The following AKR1C8 variants were observed in gnomAD, a reference collection of about 807,000 sequenced individuals.
The protein encoded by AKR1C8 is aldo-keto reductase family 1 member C8, also known as aldo-keto reductase family 1 member C-like protein 1.
At chr10:5,147,236 G>T in the AKR1C8 span, among the ~76,000 whole-genome samples, 24 of 152,098 alleles carry the variant, frequency 1.6e-4, no homozygotes, top group Admixed American at 1.1e-3. Context: ...ACTACTGCAG[G>T]CAGAGCACCA....
At chr10:5,162,732 T>A in the AKR1C8 span, 1 of 374,878 alleles carries the variant, frequency 2.7e-6, no homozygotes, top group African/African-American at 2.1e-5. Flanking sequence ...TCTGTTTCTA[T>A]AATATGCCTT....
the AKR1C8 span, chr10:5,121,979 C>T: frequency 4.5e-6 from 1 of 222,736 alleles, no homozygotes; most frequent in African/African-American, 2.4e-5. Context: ...TCCTGTTTCA[C>T]CCCATGCCTG....
chr10:5,175,629 C>T, the AKR1C8 span, among the ~76,000 whole-genome samples: 910 of 152,284 alleles, frequency 6.0e-3, 5 homozygotes, highest in African/African-American at 0.021. Flanking sequence ...ACATCCTCTC[C>T]AGCACCTGTT....
the AKR1C8 span, among the ~76,000 whole-genome samples, chr10:5,156,873 C>T: frequency 2.6e-5 from 4 of 152,182 alleles, no homozygotes; most frequent in African/African-American, 9.6e-5. Flanking sequence ...AAATTTGTAG[C>T]TGTCATTTTA....
At chr10:5,168,828 G>C in the AKR1C8 span, among the ~76,000 whole-genome samples, 1 of 152,102 alleles carries the variant, frequency 6.6e-6, no homozygotes, top group African/African-American at 2.4e-5. Flanking sequence ...TGATCCCATA[G>C]AGGTGTGAAA....
At chr10:5,181,662 T>C in the AKR1C8 span, among the ~76,000 whole-genome samples, 1 of 152,200 alleles carries the variant, frequency 6.6e-6, no homozygotes, top group Non-Finnish European at 1.5e-5. Flanking sequence ...TTAATGTATG[T>C]TCCAAAACCA....
At chr10:5,178,985 G>T in the AKR1C8 span, among the ~76,000 whole-genome samples, 1 of 152,134 alleles carries the variant, frequency 6.6e-6, no homozygotes, top group Non-Finnish European at 1.5e-5. Context: ...TACATTTAAA[G>T]TTAATATTAT....
the AKR1C8 span, among the ~76,000 whole-genome samples, chr10:5,143,772 T>G: frequency 6.7e-6 from 1 of 149,418 alleles, no homozygotes. Flanking sequence ...AGATTTCTGT[T>G]TCTTTGGAGA....
At chr10:5,150,680 C>T in the AKR1C8 span, among the ~76,000 whole-genome samples, 1 of 151,974 alleles carries the variant, frequency 6.6e-6, no homozygotes, top group African/African-American at 2.4e-5. Flanking sequence ...ACATTTTATA[C>T]CACAAAATAA....
the AKR1C8 span, among the ~76,000 whole-genome samples, chr10:5,147,129 C>A: frequency 3.9e-5 from 6 of 152,224 alleles, no homozygotes; most frequent in South Asian, 1.2e-3. Flanking sequence ...GCGCTGACGT[C>A]AGATGGTGAG....
chr10:5,145,287 C>T, the AKR1C8 span, among the ~76,000 whole-genome samples: 6 of 152,104 alleles, frequency 3.9e-5, no homozygotes, highest in Non-Finnish European at 8.8e-5. Context: ...TAGGCATGGG[C>T]AAGGACTTCA....
At chr10:5,130,089 T>A in the AKR1C8 span, among the ~76,000 whole-genome samples, 4 of 151,870 alleles carry the variant, frequency 2.6e-5, no homozygotes, top group Admixed American at 2.0e-4. Context: ...GTGGGTTCCA[T>A]CCCAAGGGTG....
chr10:5,147,836 G>T, the AKR1C8 span, among the ~76,000 whole-genome samples: 1 of 152,144 alleles, frequency 6.6e-6, no homozygotes, highest in African/African-American at 2.4e-5. Context: ...GATCTGGACG[G>T]CTGTGGTCCT....
the AKR1C8 span, among the ~76,000 whole-genome samples, chr10:5,156,526 A>G: frequency 1.8e-5 from 1 of 55,524 alleles, no homozygotes; most frequent in Non-Finnish European, 4.6e-5. Flanking sequence ...AAAGACTCAG[A>G]TCTATCTATC....
chr10:5,175,986 A>G, the AKR1C8 span, among the ~76,000 whole-genome samples: 1 of 151,984 alleles, frequency 6.6e-6, no homozygotes, highest in South Asian at 2.1e-4. Context: ...GTTTAATTAG[A>G]TCCCATTTGT....
At chr10:5,160,230 A>G in the AKR1C8 span, among the ~76,000 whole-genome samples, 7 of 152,120 alleles carry the variant, frequency 4.6e-5, no homozygotes, top group East Asian at 1.4e-3. Flanking sequence ...GCAAGTAGAC[A>G]TATTTGTTGT....
the AKR1C8 span, among the ~76,000 whole-genome samples, chr10:5,177,068 G>C: frequency 6.6e-6 from 1 of 152,018 alleles, no homozygotes; most frequent in African/African-American, 2.4e-5. Flanking sequence ...TTTTCAAAGG[G>C]AATGCTTCCA....
the AKR1C8 span, chr10:5,161,668 GAAAATCTT>G: frequency 1.9e-6 from 1 of 532,166 alleles, no homozygotes; most frequent in African/African-American, 1.9e-5. Context: ...AGGATAGACA[GAAAATCTT>G]GATGGTAGAG....
At chr10:5,123,515 G>T in the AKR1C8 span, 1 of 562,450 alleles carries the variant, frequency 1.8e-6, no homozygotes. Flanking sequence ...ACAGACTAAG[G>T]TGTTCATTCT....
Sources: gnomAD v4.1 joint callset for allele counts (sites outside exome capture counted in the v4.1 genomes callset) on GRCh38, gnomAD v4.1.1 for gene constraint, MANE v1.5 for transcripts, NCBI Gene and HGNC (gene_info 2026-07-23, HGNC 2026-07-21) for gene names.